Variants in PALM2AKAP2 observed in about 807,000 individuals in gnomAD.
PALM2AKAP2 encodes PALM2 and AKAP2 fusion, also known as PALM2-AKAP2 fusion protein.
PALM2AKAP2 carries 37 observed loss-of-function variants against 71.5 expected under a neutral mutation model. That is an observed-to-expected ratio of 0.52 (90% CI 0.40 to 0.68). The LOEUF (loss-of-function observed/expected upper bound fraction) is 0.68, where lower values mean the gene tolerates loss of function less well. Among genes scored for constraint, PALM2AKAP2 ranks in the 30% least tolerant of loss-of-function variants. PALM2AKAP2 has a pLI of 0.00. For missense variants in PALM2AKAP2, 1,224 were observed against 1,191.8 expected (o/e 1.03, Z -0.40); for synonymous variants, 468 against 478.8 (o/e 0.98, Z 0.29).
chr9:109,971,694 G>A (rs144272393), intron 6 of PALM2AKAP2, among the ~76,000 whole-genome samples: 316 of 152,270 alleles, frequency 2.1e-3, no homozygotes, highest in Admixed American at 5.8e-3. Flanking sequence ...CCAGAGTGCT[G>A]GGATTACAGG....
At chr9:109,984,470 T>C (rs1198053619) in intron 6 of PALM2AKAP2, among the ~76,000 whole-genome samples, 5 of 147,464 alleles carry the variant, frequency 3.4e-5, no homozygotes, top group African/African-American at 1.3e-4. Flanking sequence ...CCAATTTGAG[T>C]AACAAAGCGA....
intron 1 of PALM2AKAP2, among the ~76,000 whole-genome samples, chr9:109,683,743 C>T (rs1827770696): frequency 6.6e-6 from 1 of 152,034 alleles, no homozygotes; most frequent in Non-Finnish European, 1.5e-5. Context: ...GTTCTTGCTC[C>T]CACAATGACT....
chr9:110,163,543 A>G (rs751569939), intron 3 of PALM2AKAP2, among the ~76,000 whole-genome samples: 10 of 152,176 alleles, frequency 6.6e-5, no homozygotes, highest in Non-Finnish European at 1.3e-4. Flanking sequence ...CATCATTTCC[A>G]TGCATGGTTT....
intron 1 of PALM2AKAP2, among the ~76,000 whole-genome samples, chr9:109,707,162 G>C (rs1020893948): frequency 2.6e-5 from 4 of 152,144 alleles, no homozygotes; most frequent in Middle Eastern, 3.4e-3. Flanking sequence ...AATAACCTTA[G>C]CCTCCTCTCT....
intron 7 of PALM2AKAP2, among the ~76,000 whole-genome samples, chr9:110,016,981 G>A (rs1295948990): frequency 6.6e-6 from 1 of 152,280 alleles, no homozygotes; most frequent in East Asian, 1.9e-4. Context: ...CCGGGTTCAT[G>A]CCATTCTCCT....
rs564116595 is a variant in PALM2AKAP2 at position 110,111,215 on chromosome 9, G to A, written c.157-24912G>A. Among the ~76,000 whole-genome samples the A allele has an allele frequency of 3.4e-5, 5 of 147,780 alleles. No homozygotes were observed. In the East Asian group the frequency reaches 6.1e-4, roughly 18 times the overall value. ...CCAGTGATCCTCTGACCTCAGCCTC[G>A]TGAATAGCTGGGGTCACAGGCATGC... On this transcript the variant is annotated intron_variant, in intron 1 of 3. Transcript: ENST00000374525.
At chr9:109,695,020 T>C (rs545121448) in intron 1 of PALM2AKAP2, among the ~76,000 whole-genome samples, 12 of 152,246 alleles carry the variant, frequency 7.9e-5, no homozygotes, top group African/African-American at 2.9e-4. Context: ...TTACTCCTTA[T>C]ACCACAATAA....
chr9:110,101,118 A>G (rs765439457), intron 1 of PALM2AKAP2, among the ~76,000 whole-genome samples: 1 of 152,206 alleles, frequency 6.6e-6, no homozygotes, highest in African/African-American at 2.4e-5. Context: ...CTTGAGACCA[A>G]GCCTCTGCAA....
chr9:109,871,099 A>G (rs1199824150), intron 2 of PALM2AKAP2, among the ~76,000 whole-genome samples: 1 of 152,188 alleles, frequency 6.6e-6, no homozygotes, highest in Non-Finnish European at 1.5e-5. Context: ...AATTATTTAG[A>G]CAGATTCACC....
intron 1 of PALM2AKAP2, chr9:110,125,387 GGA>G (rs1221097552): frequency 1.7e-6 from 1 of 591,340 alleles, no homozygotes; most frequent in Non-Finnish European, 2.1e-6. Flanking sequence ...GGCCAGCCAG[GGA>G]GGGGCCAGGC....
At position 109,688,088 on chromosome 9, in the gene PALM2AKAP2, C is replaced by T. The variant is rs767442307; in HGVS notation, c.5+47222C>T. ...ATTACGATGGTAACATCAAAGATCA[C>T]GGATCACAGATCACCATAACAGATA... On this transcript the variant is annotated intron_variant, in intron 1 of 6. Coordinates refer to the PALM2AKAP2 transcript ENST00000374531. Among the ~76,000 whole-genome samples the T allele has an allele frequency of 3.3e-5, 5 of 152,242 alleles. No homozygotes were observed. In the South Asian group the frequency reaches 6.2e-4, roughly 19 times the overall value.
intron 1 of PALM2AKAP2, among the ~76,000 whole-genome samples, chr9:109,675,806 T>G (rs777975786): frequency 1.3e-5 from 2 of 152,164 alleles, no homozygotes; most frequent in Non-Finnish European, 2.9e-5. Flanking sequence ...CAAGTGGGCA[T>G]TTTGCGTACC....
chr9:110,032,945 T>A (rs1833314737), intron 7 of PALM2AKAP2, among the ~76,000 whole-genome samples: 1 of 151,760 alleles, frequency 6.6e-6, no homozygotes, highest in Non-Finnish European at 1.5e-5. Flanking sequence ...CTATTATAAA[T>A]AAATAAATTT....
intron 5 of PALM2AKAP2, among the ~76,000 whole-genome samples, chr9:109,925,590 A>T (rs960039762): frequency 1.3e-5 from 2 of 152,126 alleles, no homozygotes; most frequent in East Asian, 3.8e-4. Flanking sequence ...TCATAGAAAC[A>T]GGGCTGGGCA....
At chr9:109,837,456 A>G (rs575548996) in intron 1 of PALM2AKAP2, among the ~76,000 whole-genome samples, 1 of 152,256 alleles carries the variant, frequency 6.6e-6, no homozygotes, top group Admixed American at 6.5e-5. Flanking sequence ...GAGGCTAGAA[A>G]GAAACTGCAT....
chr9:109,712,537 T>C (rs904182840), intron 1 of PALM2AKAP2, among the ~76,000 whole-genome samples: 1 of 152,234 alleles, frequency 6.6e-6, no homozygotes, highest in Non-Finnish European at 1.5e-5. Context: ...ATGCCTTCTG[T>C]CTTTCATGTG....
chr9:109,841,354 T>TCC lies in PALM2AKAP2; in HGVS notation c.46-26137_46-26136insCC. On this transcript the variant is annotated intron_variant, in intron 1 of 9. Coordinates refer to the PALM2AKAP2 transcript ENST00000302798. ...ACACAGGAAGGGGAACATCATACAC[T>TCC]GGGGCCTGTTGTGGGGTGGGGGTAG... Among the ~76,000 whole-genome samples, 13 of 82,112 alleles carry TCC rather than the reference T, an allele frequency of 1.6e-4. No homozygotes were observed. The Admixed American group carries it at 2.1e-3, about 13-fold the overall frequency. The allele number at this position is 82,112 out of a possible 152,430, so 53.9% of individuals were successfully genotyped here. A position where few individuals can be genotyped will look rare whatever the true frequency, so the allele number is the denominator to read the frequency against.
intron 1 of PALM2AKAP2, among the ~76,000 whole-genome samples, chr9:109,829,491 G>A (rs904624531): frequency 1.3e-5 from 2 of 152,120 alleles, no homozygotes; most frequent in African/African-American, 4.8e-5. Context: ...AATTCAGGGT[G>A]TCTTAGGACT....
chr9:109,691,935 T>C (rs1403230970), intron 1 of PALM2AKAP2, among the ~76,000 whole-genome samples: 9 of 134,448 alleles, frequency 6.7e-5, no homozygotes, highest in African/African-American at 2.2e-4. Flanking sequence ...CACATATATA[T>C]ATATACACAT....
Sources: gnomAD v4.1 joint callset for allele counts (sites outside exome capture counted in the v4.1 genomes callset) on GRCh38, gnomAD v4.1.1 for gene constraint, MANE v1.5 for transcripts, NCBI Gene and HGNC (gene_info 2026-07-23, HGNC 2026-07-21) for gene names.